The following FYCO1 variants were observed in gnomAD, a reference collection of about 807,000 sequenced individuals.
FYCO1 encodes FYVE and coiled-coil domain autophagy adaptor 1.
In FYCO1, 122 loss-of-function variants were observed where a neutral mutation model predicts 165.1. That is an observed-to-expected ratio of 0.74 (90% CI 0.64 to 0.86). The LOEUF (loss-of-function observed/expected upper bound fraction) is 0.86, where lower values mean the gene tolerates loss of function less well. Among genes scored for constraint, FYCO1 ranks in the 40% least tolerant of loss-of-function variants. The probability of loss-of-function intolerance (pLI) is 0.00; values close to 1 mark genes in which losing one functional copy is unlikely to be tolerated. For missense variants in FYCO1, 1,702 were observed against 1,810.3 expected, an observed-to-expected ratio of 0.94 and a Z score of 1.09; for synonymous variants, 648 against 742.5, an observed-to-expected ratio of 0.87 and a Z score of 2.07.
At chr3:45,951,796 A>G (rs1024047764) in intron 14 of FYCO1, among the ~76,000 whole-genome samples, 1 of 152,210 alleles carries the variant, frequency 6.6e-6, no homozygotes, top group African/African-American at 2.4e-5. Context: ...GAGGTTGCTT[A>G]GGGAGTCCCA....
intron 16 of FYCO1, 98 bp downstream of exon 16, chr3:45,930,973 G>T: frequency 9.0e-7 from 1 of 1,107,570 alleles, no homozygotes; most frequent in South Asian, 1.3e-5. Context: ...GGCCTGCCCA[G>T]CAGAGGATAG....
In FYCO1 at chr3:45,918,990, A is replaced by G. The variant is rs560617328; in HGVS notation, c.*2775T>C. 1 of 152,060 alleles carries G rather than the reference A, an allele frequency of 6.6e-6. No homozygotes were observed. Among genetic ancestry groups the G allele is most frequent in the Non-Finnish European group, 1.5e-5 (1 of 68,008 alleles). The allele number at this position is 152,060 out of a possible 1,614,324, so 9.4% of individuals were successfully genotyped here. A position where few individuals can be genotyped will look rare whatever the true frequency, so the allele number is the denominator to read the frequency against. On this transcript the variant is annotated 3_prime_UTR_variant, in exon 18 of 18. Transcript: ENST00000296137. The stretch of plus-strand genomic sequence containing the variant: ...GAAGGTGGTGAGTGGCTTCAGTGGC[A>G]TGATGAAGAAGGCATCTGGTATCGA...
chr3:45,959,552 A>C lies in FYCO1; in HGVS notation c.3438-10T>G. 6.2e-7 allele frequency: 1 copy of C among 1,613,548 alleles called. No individual in the cohort carries two copies. The highest frequency in any genetic ancestry group is 8.5e-7 in the Non-Finnish European group (1 of 1,179,596). On this transcript the variant is annotated splice_polypyrimidine_tract_variant and intron_variant, in intron 11 of 17. Transcript: ENST00000296137. Reference sequence around the variant, plus strand: ...GAGAGCATCCTTGTCCCTGGGACAAAACCACATTGGAAGAAAAGGAGAGAG... The same window carrying C: ...GAGAGCATCCTTGTCCCTGGGACAACACCACATTGGAAGAAAAGGAGAGAG...
At chr3:45,946,900 A>T in intron 14 of FYCO1, 1 of 1,614,274 alleles carries the variant, frequency 6.2e-7, no homozygotes, top group Non-Finnish European at 8.5e-7. Flanking sequence ...GCCTACAACC[A>T]GCAAGCCAAG....
intron 14 of FYCO1, chr3:45,938,324 G>A (rs1704012238): frequency 2.2e-6 from 2 of 929,738 alleles, no homozygotes; most frequent in South Asian, 1.4e-5. Flanking sequence ...AGGGCAGAGG[G>A]CTTTCTTTTC....
intron 16 of FYCO1, among the ~76,000 whole-genome samples, chr3:45,930,008 G>A (rs965214388): frequency 5.9e-5 from 9 of 152,122 alleles, no homozygotes; most frequent in African/African-American, 2.2e-4. Flanking sequence ...GCACCCAGTG[G>A]ACCAAACACA....
chr3:45,946,224 T>C, intron 14 of FYCO1: 1 of 455,010 alleles, frequency 2.2e-6, no homozygotes, highest in South Asian at 3.0e-5. Flanking sequence ...ATGAGTTGTC[T>C]CCCAGATGGG....
intron 16 of FYCO1, among the ~76,000 whole-genome samples, chr3:45,925,040 C>T (rs570434934): frequency 6.6e-6 from 1 of 152,274 alleles, no homozygotes; most frequent in East Asian, 1.9e-4. Context: ...AGCAATTCTC[C>T]TGCCTCAGCC....
chr3:45,969,545 A>G (rs1322982689), intron 7 of FYCO1, 130 bp downstream of exon 7: 2 of 712,232 alleles, frequency 2.8e-6, no homozygotes, highest in African/African-American at 3.5e-5. Context: ...AACAGCAGCC[A>G]TAACTGAGTG....
chr3:45,959,326 G>A (rs1372061799), intron 12 of FYCO1, 67 bp downstream of exon 12: 4 of 1,554,332 alleles, frequency 2.6e-6, no homozygotes, highest in Non-Finnish European at 3.5e-6. Context: ...GTCCTCTTTT[G>A]GAGCTGTCTG....
chr3:45,962,493 C>T lies in FYCO1; in HGVS notation c.3270-101G>A, dbSNP rs56029015. ...TCTAATGAGGGGTGCTACTGCCCTC[C>T]GCCATGGGGGAGCCCCTTGGTATCT... is the stretch of plus-strand genomic sequence containing the variant. On this transcript the variant is annotated intron_variant, in intron 10 of 17. Coordinates refer to ENST00000296137, the MANE Select transcript of FYCO1 (RefSeq NM_024513.4). This position sits in a 1 kb window ranked among gnomAD's most constrained non-coding sequence, Gnocchi z 4.4. 9,615 of 1,067,120 alleles carry T rather than the reference C, an allele frequency of 9.0e-3. 73 individuals are homozygous for T. The highest frequency in any genetic ancestry group is 0.012 in the Non-Finnish European group (8,340 of 683,998). 66.1% of individuals were successfully genotyped at this position (1,067,120 alleles called of 1,614,324 possible).
At chr3:45,948,429 G>A (rs71325095) in intron 14 of FYCO1, 1 of 153,856 alleles carries the variant, frequency 6.5e-6, no homozygotes, top group Non-Finnish European at 1.5e-5. Flanking sequence ...TGGGCTCAGA[G>A]CCCGGGAAAT....
Position 45,921,747 on chromosome 3 carries a change from G to A in FYCO1, c.*18C>T. The A allele has an allele frequency of 5.8e-6, 9 of 1,541,788 alleles. No individual in the cohort carries two copies. The highest frequency in any genetic ancestry group is 8.1e-6 in the Non-Finnish European group (9 of 1,113,908). ...CAGTGTTTCCTGTGGATGAAGTGAAGTTACTGAGGTGCTGAAGCTACAGGA... is the reference window on the plus strand; with the variant it reads ...CAGTGTTTCCTGTGGATGAAGTGAAATTACTGAGGTGCTGAAGCTACAGGA... On this transcript the variant is annotated 3_prime_UTR_variant, in exon 18 of 18. Coordinates refer to ENST00000296137, the MANE Select transcript of FYCO1 (RefSeq NM_024513.4).
At chr3:45,953,481 A>G (rs377018539) in intron 14 of FYCO1, among the ~76,000 whole-genome samples, 7 of 152,246 alleles carry the variant, frequency 4.6e-5, no homozygotes, top group African/African-American at 1.7e-4. Context: ...TAAACTCTTG[A>G]CATTTTAACA....
intron 16 of FYCO1, among the ~76,000 whole-genome samples, chr3:45,927,273 A>T (rs1559439183): frequency 1.3e-5 from 2 of 152,244 alleles, no homozygotes; most frequent in Non-Finnish European, 2.9e-5. Context: ...CCCTTGTTCT[A>T]GGCCATTAAG....
chr3:45,956,492 G>A (rs1000535590), intron 13 of FYCO1, among the ~76,000 whole-genome samples: 1 of 152,200 alleles, frequency 6.6e-6, no homozygotes, highest in African/African-American at 2.4e-5. Context: ...CAAGAAAAAT[G>A]GTTCAGGTGA....
At chr3:45,991,183 C>G (rs1355320335) in intron 1 of FYCO1, among the ~76,000 whole-genome samples, 1 of 152,134 alleles carries the variant, frequency 6.6e-6, no homozygotes. Flanking sequence ...CTTAAAACAC[C>G]ATGTAGAAAT....
Position 45,975,263 on chromosome 3 carries a change from C to T in FYCO1, c.371G>A (p.Cys124Tyr). ...CCTGGTCACTTTGGTGTTCATGAAG[C>T]ACTGCTGTAAGGTGTCTGCCAACCT... ...HQRLADTLQQ[C>Y]FMNTKVTSDW... The change falls in exon 5 of 18, where the codon TGC becomes TAC. Residue 124 changes from cysteine (C) to tyrosine (Y), a missense_variant. Cys to Tyr is a radical substitution (Grantham distance 194). Coordinates refer to ENST00000296137, the MANE Select transcript of FYCO1 (RefSeq NM_024513.4). 1 of 1,613,454 alleles carries T rather than the reference C, an allele frequency of 6.2e-7. No homozygotes were observed. The highest frequency in any genetic ancestry group is 8.5e-7 in the Non-Finnish European group (1 of 1,179,390).
At position 45,967,693 on chromosome 3, in the gene FYCO1, G is replaced by A. The variant is rs1303104804; in HGVS notation, c.1641C>T (p.Ser547=). ...KQLIQDKDHL[S]QQVGMLERLA... is the part of the protein sequence containing the mutation. ...GCCGCTCGAGCATACCCACCTGCTG[G>A]CTGAGGTGGTCTTTGTCCTGAATGA... Residue 547 remains serine (S), a synonymous_variant, in exon 8 of 18, where the codon AGC becomes AGT. Coordinates refer to ENST00000296137, the MANE Select transcript of FYCO1 (RefSeq NM_024513.4). 6.2e-7 allele frequency: 1 copy of A among 1,613,722 alleles called. No individual in the cohort carries two copies. The highest frequency in any genetic ancestry group is 8.5e-7 in the Non-Finnish European group (1 of 1,180,022).
Sources: allele counts gnomAD v4.1 joint callset (sites outside exome capture counted in the v4.1 genomes callset), GRCh38; gene constraint gnomAD v4.1.1; non-coding constraint Gnocchi (gnomAD v3.1); transcripts MANE v1.5; gene names NCBI Gene and HGNC (gene_info 2026-07-23, HGNC 2026-07-21).